Variants in SYNPO observed in about 807,000 individuals in gnomAD.
SYNPO encodes the protein synaptopodin.
In SYNPO, 19 loss-of-function variants were observed where a neutral mutation model predicts 49.5. The observed-to-expected ratio is 0.38, with a 90% CI of 0.27 to 0.56. The LOEUF is 0.56. Among genes scored for constraint, SYNPO ranks in the 20% least tolerant of loss-of-function variants. SYNPO has a pLI of 0.68. For missense variants in SYNPO, 1,131 were observed against 1,248.3 expected (o/e 0.91, Z 1.42); for synonymous variants, 536 against 548.0 (o/e 0.98, Z 0.31).
chr5:150,607,049 GTTA>G (rs1472553643), intron 1 of SYNPO, among the ~76,000 whole-genome samples: 1 of 151,830 alleles, frequency 6.6e-6, no homozygotes, highest in Non-Finnish European at 1.5e-5. Flanking sequence ...GGGGGAGGGG[GTTA>G]TTATCTTTTG....
chr5:150,621,945 GC>G (rs1757195700), intron 2 of SYNPO, among the ~76,000 whole-genome samples: 2 of 152,184 alleles, frequency 1.3e-5, no homozygotes, highest in African/African-American at 2.4e-5. Flanking sequence ...ATGCTAAGCT[GC>G]CCTCCCCAAA....
the SYNPO span, among the ~76,000 whole-genome samples, chr5:150,589,667 G>A: frequency 1.8e-4 from 28 of 152,328 alleles, no homozygotes; most frequent in South Asian, 5.8e-3. Context: ...TTTTGAGCAG[G>A]GGAATGACAG....
intron 2 of SYNPO, 47 bp downstream of exon 2, chr5:150,650,350 C>G: frequency 6.2e-7 from 1 of 1,612,104 alleles, no homozygotes; most frequent in Non-Finnish European, 8.5e-7. Flanking sequence ...CCACGGGGGT[C>G]CCACTGCCGG....
intron 2 of SYNPO, among the ~76,000 whole-genome samples, chr5:150,627,882 G>A (rs1445700562): frequency 6.6e-6 from 1 of 152,144 alleles, no homozygotes; most frequent in African/African-American, 2.4e-5. Context: ...GGACTGGAGG[G>A]TGGGGGTGTT....
chr5:150,598,399 G>T (rs905442944), upstream of SYNPO, among the ~76,000 whole-genome samples: 5 of 152,202 alleles, frequency 3.3e-5, no homozygotes, highest in East Asian at 1.9e-4. Context: ...GAGGTAGCAG[G>T]TTATACTCGT....
intron 1 of SYNPO, among the ~76,000 whole-genome samples, chr5:150,646,316 G>C (rs917418815): frequency 7.2e-5 from 11 of 152,088 alleles, no homozygotes; most frequent in African/African-American, 2.7e-4. Context: ...GCCAGCCTGG[G>C]CAACAGAGCA....
At chr5:150,596,922 A>G (rs1056342237), upstream of SYNPO, among the ~76,000 whole-genome samples, 15 of 152,188 alleles carry the variant, frequency 9.9e-5, no homozygotes, top group Non-Finnish European at 1.6e-4. Context: ...CAAGGGCTGG[A>G]AAGCCTCATG....
intron 2 of SYNPO, chr5:150,618,849 AT>A: frequency 6.7e-7 from 1 of 1,498,418 alleles, no homozygotes; most frequent in Non-Finnish European, 9.0e-7. Flanking sequence ...TCCTGACCAT[AT>A]TTTTCCATGA....
intron 2 of SYNPO, chr5:150,652,433 A>G (rs538457930): frequency 5.4e-5 from 53 of 983,178 alleles, no homozygotes; most frequent in Non-Finnish European, 6.2e-5. Flanking sequence ...GGCCTGCTCA[A>G]TTACTGTGTG....
intron 2 of SYNPO, chr5:150,650,859 T>A: frequency 7.9e-7 from 1 of 1,264,256 alleles, no homozygotes; most frequent in Non-Finnish European, 1.0e-6. Context: ...TGGGCCTGTC[T>A]CTTCTGCCTC....
intron 1 of SYNPO, among the ~76,000 whole-genome samples, chr5:150,643,340 T>C (rs1384095961): frequency 2.0e-5 from 3 of 152,220 alleles, no homozygotes; most frequent in African/African-American, 7.2e-5. Flanking sequence ...AGGTTTGTTT[T>C]GGAAATTAAA....
chr5:150,618,766 A>G (rs1431564541), exon 2 of SYNPO: 6 of 1,551,006 alleles, frequency 3.9e-6, no homozygotes, highest in Non-Finnish European at 5.2e-6. Flanking sequence ...CCCAGAAACC[A>G]GGTAAGCTTG....
Position 150,647,945 on chromosome 5 carries a change from G to A in SYNPO, c.-331G>A, listed in dbSNP as rs201843655. 36 of 1,551,012 alleles carry A rather than the reference G, an allele frequency of 2.3e-5. No individual in the cohort carries two copies. Among genetic ancestry groups the A allele is most frequent in the African/African-American group, 9.6e-5 (7 of 73,018 alleles). On this transcript the variant is annotated splice_region_variant and 5_prime_UTR_variant, in exon 2 of 3. Transcript: ENST00000307662. Reference sequence around the variant, plus strand: ...CTGGGCTTTTGTCCCTCCCTGTAGCGTTGGGCCGGAGCACTAGCCTCACGG... The same window carrying A: ...CTGGGCTTTTGTCCCTCCCTGTAGCATTGGGCCGGAGCACTAGCCTCACGG...
intron 2 of SYNPO, chr5:150,624,792 G>A: frequency 1.1e-6 from 1 of 946,638 alleles, no homozygotes; most frequent in Non-Finnish European, 1.3e-6. Context: ...CGGAGCCTGG[G>A]CCTGGCGCGG....
At chr5:150,640,212 A>G, upstream of SYNPO, 1 of 978,906 alleles carries the variant, frequency 1.0e-6, no homozygotes, top group Non-Finnish European at 1.2e-6. Context: ...TGCAGACAGA[A>G]CATTGGTGAA....
At chr5:150,647,798 C>G (rs1758158512) in intron 1 of SYNPO, 146 bp from the exon 2 acceptor site, 4 of 815,316 alleles carry the variant, frequency 4.9e-6, no homozygotes, top group Non-Finnish European at 7.6e-6. Context: ...TGAGCTAATT[C>G]TAAGAAACAG....
Position 150,629,535 on chromosome 5 carries a change from T to C in SYNPO, c.400+10768T>C, listed in dbSNP as rs538836951. On this transcript the variant is annotated intron_variant, in intron 2 of 2. Transcript: ENST00000394243. ...CCTTACTGGCTTGTCACCAAGAACA[T>C]GGGGCTAGCAGGAGGGGCTGACACC... 3.3e-5 allele frequency among the ~76,000 whole-genome samples: 5 copies of C among 151,680 alleles called. No homozygotes were observed. In the South Asian group the frequency reaches 1.0e-3, roughly 32 times the overall value.
chr5:150,632,871 G>A (rs891650441), intron 2 of SYNPO, among the ~76,000 whole-genome samples: 1 of 152,076 alleles, frequency 6.6e-6, no homozygotes, highest in Non-Finnish European at 1.5e-5. Flanking sequence ...CCAGAACACC[G>A]CCCTCCTAGC....
At chr5:150,632,376 T>C (rs1453772165) in intron 2 of SYNPO, among the ~76,000 whole-genome samples, 2 of 152,210 alleles carry the variant, frequency 1.3e-5, no homozygotes, top group East Asian at 3.8e-4. Flanking sequence ...AAACTTAAGA[T>C]AAATGAAAAT....
Sources: gnomAD v4.1 joint callset for allele counts (sites outside exome capture counted in the v4.1 genomes callset) on GRCh38, gnomAD v4.1.1 for gene constraint, MANE v1.5 for transcripts, NCBI Gene and HGNC (gene_info 2026-07-23, HGNC 2026-07-21) for gene names.